The following EHBP1 variants were observed in gnomAD, a reference collection of about 807,000 sequenced individuals.
EHBP1 encodes EH domain binding protein 1.
In EHBP1, 55 loss-of-function variants were observed where a neutral mutation model predicts 144.0. The ratio of observed to expected loss-of-function variants is 0.38; its 90% CI spans 0.31 to 0.48. The LOEUF (loss-of-function observed/expected upper bound fraction) is 0.48, where lower values mean the gene tolerates loss of function less well. Among genes scored for constraint, EHBP1 ranks in the 20% least tolerant of loss-of-function variants. The pLI is 0.98. For synonymous variants in EHBP1, 469 were observed against 472.7 expected, an observed-to-expected ratio of 0.99 and a Z score of 0.10; for missense variants, 1,200 against 1,364.2, an observed-to-expected ratio of 0.88 and a Z score of 1.90.
intron 5 of EHBP1, among the ~76,000 whole-genome samples, chr2:62,820,418 T>C (rs946518603): frequency 3.3e-5 from 5 of 151,818 alleles, no homozygotes; most frequent in African/African-American, 7.3e-5. Flanking sequence ...TTCAGTGCCA[T>C]TGAGTACATT....
chr2:62,767,892 A>G (rs762020397), intron 4 of EHBP1, among the ~76,000 whole-genome samples: 15 of 151,870 alleles, frequency 9.9e-5, no homozygotes, highest in Non-Finnish European at 1.9e-4. Flanking sequence ...ATGCATTTAC[A>G]TGGAAATTAA....
At chr2:62,900,833 A>C (rs1323799279) in intron 10 of EHBP1, among the ~76,000 whole-genome samples, 1 of 152,070 alleles carries the variant, frequency 6.6e-6, no homozygotes, top group Non-Finnish European at 1.5e-5. Context: ...TTTTGCTGTC[A>C]ACTTAAACTA....
intron 14 of EHBP1, among the ~76,000 whole-genome samples, chr2:62,976,565 A>G (rs2058723807): frequency 6.6e-6 from 1 of 152,048 alleles, no homozygotes; most frequent in African/African-American, 2.4e-5. Context: ...GATTTTCTGG[A>G]TACTTCAGTG....
intron 10 of EHBP1, among the ~76,000 whole-genome samples, chr2:62,937,530 A>G (rs2056460626): frequency 6.6e-6 from 1 of 152,208 alleles, no homozygotes; most frequent in African/African-American, 2.4e-5. Flanking sequence ...ATTAAGTGCC[A>G]TAGGAAGGAC....
intron 2 of EHBP1, among the ~76,000 whole-genome samples, chr2:62,728,013 G>T (rs897625640): frequency 6.6e-6 from 1 of 152,140 alleles, no homozygotes; most frequent in African/African-American, 2.4e-5. Context: ...GCCTGTGAAG[G>T]GTAGGGTATG....
At position 62,678,919 on chromosome 2, in the gene EHBP1, G is replaced by A. The variant is rs564960167; in HGVS notation, c.-296+4836G>A. On this transcript the variant is annotated intron_variant, in intron 1 of 22. Coordinates refer to the EHBP1 transcript ENST00000405015. ...AATTATTATTTTAAATTATTTTAAA[G>A]CCATGTTAATTTTAATTTATTTTGT... 5.3e-5 allele frequency among the ~76,000 whole-genome samples: 8 copies of A among 151,922 alleles called. No individual in the cohort carries two copies. The South Asian group carries it at 1.7e-3, about 32-fold the overall frequency.
chr2:62,793,782 C>A (rs991743653), intron 5 of EHBP1, among the ~76,000 whole-genome samples: 1 of 151,848 alleles, frequency 6.6e-6, no homozygotes, highest in Non-Finnish European at 1.5e-5. Flanking sequence ...TCTTTATTCT[C>A]CAATGGGGAA....
chr2:62,719,730 A>G (rs1169185795), intron 2 of EHBP1, among the ~76,000 whole-genome samples: 1 of 152,234 alleles, frequency 6.6e-6, no homozygotes, highest in Non-Finnish European at 1.5e-5. Flanking sequence ...TAGCATTTAC[A>G]TTGTATTAGA....
intron 1 of EHBP1, among the ~76,000 whole-genome samples, chr2:62,682,389 A>G (rs1049716267): frequency 2.6e-5 from 4 of 152,298 alleles, no homozygotes; most frequent in African/African-American, 9.6e-5. Flanking sequence ...GGAAAGTGCT[A>G]GGAAGGAGCT....
At chr2:62,865,228 T>C (rs949500349) in intron 9 of EHBP1, among the ~76,000 whole-genome samples, 10 of 152,204 alleles carry the variant, frequency 6.6e-5, no homozygotes, top group African/African-American at 2.4e-4. Flanking sequence ...TCCAATTGTG[T>C]CTTCTCACAG....
At chr2:62,823,794 A>C (rs552725628) in intron 5 of EHBP1, among the ~76,000 whole-genome samples, 5 of 152,126 alleles carry the variant, frequency 3.3e-5, no homozygotes, top group East Asian at 1.9e-4. Context: ...TCCTTTTCCC[A>C]AAAGGGAGAC....
chr2:62,830,262 T>C (rs1325237353), intron 6 of EHBP1, among the ~76,000 whole-genome samples: 1 of 151,296 alleles, frequency 6.6e-6, no homozygotes, highest in Non-Finnish European at 1.5e-5. Context: ...ATATAATATA[T>C]ATAGCTTGGA....
chr2:62,866,217 T>G (rs2050023491), intron 9 of EHBP1, among the ~76,000 whole-genome samples: 1 of 152,208 alleles, frequency 6.6e-6, no homozygotes, highest in African/African-American at 2.4e-5. Context: ...TAACAAAGCT[T>G]AAAGGCAAGG....
chr2:62,939,121 T>C (rs569452882), intron 10 of EHBP1, among the ~76,000 whole-genome samples: 1 of 152,318 alleles, frequency 6.6e-6, no homozygotes, highest in African/African-American at 2.4e-5. Flanking sequence ...GTGGACATTT[T>C]ATTTAGTGAG....
intron 6 of EHBP1, among the ~76,000 whole-genome samples, chr2:62,827,662 G>A (rs1269588580): frequency 6.6e-6 from 1 of 151,912 alleles, no homozygotes; most frequent in African/African-American, 2.4e-5. Flanking sequence ...ATGCAATTAA[G>A]CAAGTTAACT....
At chr2:62,811,349 G>A (rs1323910337) in intron 5 of EHBP1, among the ~76,000 whole-genome samples, 2 of 152,226 alleles carry the variant, frequency 1.3e-5, no homozygotes, top group Non-Finnish European at 1.5e-5. Flanking sequence ...GTCTGCTGAT[G>A]AAGCAGAGAT....
intron 1 of EHBP1, chr2:62,674,133 C>A (rs748354601): frequency 2.1e-6 from 1 of 471,058 alleles, no homozygotes; most frequent in Non-Finnish European, 4.4e-6. Flanking sequence ...AGAAGCATCC[C>A]CAAATATGTC....
chr2:63,033,495 C>T (rs989179451), intron 19 of EHBP1, among the ~76,000 whole-genome samples: 8 of 152,036 alleles, frequency 5.3e-5, no homozygotes, highest in Non-Finnish European at 8.8e-5. Flanking sequence ...CCATTGAATT[C>T]GTCTTCTATT....
At chr2:62,823,065 A>G (rs569186141) in intron 5 of EHBP1, among the ~76,000 whole-genome samples, 19 of 152,170 alleles carry the variant, frequency 1.2e-4, no homozygotes, top group African/African-American at 4.3e-4. Flanking sequence ...GAGGGGGGAT[A>G]TTACTTTTCA....
Sources: allele counts gnomAD v4.1 joint callset (sites outside exome capture counted in the v4.1 genomes callset), GRCh38; gene constraint gnomAD v4.1.1; transcripts MANE v1.5; gene names NCBI Gene and HGNC (gene_info 2026-07-23, HGNC 2026-07-21).